Variants in TC2N observed in about 807,000 individuals in gnomAD.
The protein encoded by TC2N is tandem C2 domains nuclear protein.
TC2N carries 51 observed loss-of-function variants against 61.9 expected under a neutral mutation model. The observed-to-expected ratio is 0.82, with a 90% CI of 0.66 to 1.04. The LOEUF (loss-of-function observed/expected upper bound fraction) is 1.04, where lower values mean the gene tolerates loss of function less well. TC2N is among the 50% of genes least tolerant of loss of function. TC2N has a pLI of 0.00. For synonymous variants in TC2N, 204 were observed against 192.6 expected, an observed-to-expected ratio of 1.06 and a Z score of -0.49; for missense variants, 556 against 566.7, an observed-to-expected ratio of 0.98 and a Z score of 0.19.
At chr14:91,842,006 T>A in intron 1 of TC2N, among the ~76,000 whole-genome samples, 1 of 145,796 alleles carries the variant, frequency 6.9e-6, no homozygotes. Context: ...AGACAGGGTC[T>A]GGAGTGCAGT....
chr14:91,813,914 A>G (rs567684882), intron 1 of TC2N, 89 bp from the exon 2 acceptor site: 18 of 483,558 alleles, frequency 3.7e-5, no homozygotes, highest in South Asian at 3.6e-4. Flanking sequence ...CTGTCTTTCT[A>G]AGACATAATG....
Position 91,781,757 on chromosome 14 carries a change from G to A in TC2N, c.*1343C>T, listed in dbSNP as rs543659904. The A allele has an allele frequency of 1.3e-5, 2 of 152,156 alleles. No individual in the cohort carries two copies. Among genetic ancestry groups the A allele is most frequent in the East Asian group, 3.9e-4 (2 of 5,186 alleles). 9.4% of individuals were successfully genotyped at this position (152,156 alleles called of 1,614,324 possible). On this transcript the variant is annotated 3_prime_UTR_variant, in exon 12 of 12. Transcript: ENST00000435962. Reference sequence around the variant, plus strand: ...AAAATCAGAGCAGTAGAAGCAAAGGGGATATAAGATGTGGACATTTTGTAG... The same window carrying A: ...AAAATCAGAGCAGTAGAAGCAAAGGAGATATAAGATGTGGACATTTTGTAG...
At chr14:91,841,409 A>G (rs1235128777) in intron 1 of TC2N, among the ~76,000 whole-genome samples, 1 of 152,206 alleles carries the variant, frequency 6.6e-6, no homozygotes, top group Non-Finnish European at 1.5e-5. Context: ...GTTCCAAGTT[A>G]GGTTGGCCAA....
At chr14:91,827,089 A>T (rs1256643918) in intron 1 of TC2N, among the ~76,000 whole-genome samples, 1 of 152,168 alleles carries the variant, frequency 6.6e-6, no homozygotes, top group Admixed American at 6.5e-5. Flanking sequence ...TATATATATG[A>T]ATTTAAACCT....
chr14:91,807,632 T>G (rs1237696170), intron 3 of TC2N, among the ~76,000 whole-genome samples: 1 of 152,232 alleles, frequency 6.6e-6, no homozygotes, highest in Non-Finnish European at 1.5e-5. Context: ...TCTATACTCC[T>G]ATTGTATCTA....
At chr14:91,792,667 C>T in intron 8 of TC2N, 109 bp from the exon 9 acceptor site, 2 of 507,458 alleles carry the variant, frequency 3.9e-6, no homozygotes, top group Non-Finnish European at 6.5e-6. Context: ...ATTCTTTTTA[C>T]AACAAAACAT....
At chr14:91,792,810 C>T (rs950848797) in intron 8 of TC2N, among the ~76,000 whole-genome samples, 3 of 152,162 alleles carry the variant, frequency 2.0e-5, no homozygotes, top group Admixed American at 6.5e-5. Context: ...ACACCATGCT[C>T]ACCACAATAC....
At chr14:91,793,793 TTAA>T (rs1255024521) in intron 8 of TC2N, among the ~76,000 whole-genome samples, 4 of 152,130 alleles carry the variant, frequency 2.6e-5, no homozygotes, top group African/African-American at 9.7e-5. Flanking sequence ...ATTAGGCCAA[TTAA>T]TAACCCTAAA....
intron 1 of TC2N, among the ~76,000 whole-genome samples, chr14:91,849,781 C>T (rs1350258318): frequency 1.3e-5 from 2 of 152,202 alleles, no homozygotes; most frequent in Non-Finnish European, 2.9e-5. Context: ...GGCACAGTGG[C>T]TTACCCCTGT....
chr14:91,860,287 G>T (rs2498853), intron 1 of TC2N, among the ~76,000 whole-genome samples: 147,779 of 150,702 alleles, frequency 0.98, 72,535 homozygotes, highest in East Asian at 1. Context: ...GAGATGTTAA[G>T]TTTTGTTATG....
At position 91,782,873 on chromosome 14, in the gene TC2N, G is replaced by T. The variant is rs1415326129; in HGVS notation, c.*227C>A. 8 of 439,298 alleles carry T rather than the reference G, an allele frequency of 1.8e-5. No individual in the cohort carries two copies. Among genetic ancestry groups the T allele is most frequent in the Non-Finnish European group, 2.0e-5 (5 of 248,720 alleles). 27.2% of individuals were successfully genotyped at this position (439,298 alleles called of 1,614,324 possible). A position where few individuals can be genotyped will look rare whatever the true frequency, so the allele number is the denominator to read the frequency against. On this transcript the variant is annotated 3_prime_UTR_variant, in exon 12 of 12. Transcript: ENST00000435962. Reference sequence around the variant, plus strand: ...ATCCTAATAATACTTTGATTTTACTGTCTGTGTCTCTTGTTGCAGTTTTAA... The same window carrying T: ...ATCCTAATAATACTTTGATTTTACTTTCTGTGTCTCTTGTTGCAGTTTTAA...
intron 1 of TC2N, among the ~76,000 whole-genome samples, chr14:91,850,804 G>A (rs1245473150): frequency 1.3e-5 from 2 of 152,194 alleles, no homozygotes; most frequent in African/African-American, 4.8e-5. Flanking sequence ...GGTGGCAGGA[G>A]CCTGTAATCC....
At chr14:91,792,715 T>C (rs1885721678) in intron 8 of TC2N, among the ~76,000 whole-genome samples, 157 bp from the exon 9 acceptor site, 1 of 152,204 alleles carries the variant, frequency 6.6e-6, no homozygotes, top group African/African-American at 2.4e-5. Flanking sequence ...GGCAATGACT[T>C]GTTTTTCTAG....
chr14:91,825,958 T>C (rs1308321686), intron 1 of TC2N, among the ~76,000 whole-genome samples: 1 of 152,204 alleles, frequency 6.6e-6, no homozygotes, highest in Non-Finnish European at 1.5e-5. Context: ...CCATGTACAT[T>C]TGCAACTTTG....
chr14:91,846,408 C>A (rs1289333500), intron 1 of TC2N, among the ~76,000 whole-genome samples: 1 of 152,040 alleles, frequency 6.6e-6, no homozygotes. Flanking sequence ...CACCGAAAGA[C>A]CATCAAAACT....
intron 8 of TC2N, among the ~76,000 whole-genome samples, chr14:91,796,311 C>T (rs1033711742): frequency 1.3e-5 from 2 of 152,030 alleles, no homozygotes; most frequent in East Asian, 1.9e-4. Flanking sequence ...CATACACACA[C>T]AACCCAATTT....
chr14:91,787,722 A>G (rs1443112200), intron 9 of TC2N, 95 bp from the exon 10 acceptor site: 2 of 672,276 alleles, frequency 3.0e-6, no homozygotes, highest in African/African-American at 3.7e-5. Context: ...AGAAATTTTG[A>G]AAGTATTCCT....
intron 1 of TC2N, among the ~76,000 whole-genome samples, chr14:91,864,842 T>C (rs544165654): frequency 7.0e-6 from 1 of 142,182 alleles, no homozygotes; most frequent in Non-Finnish European, 1.5e-5. Flanking sequence ...AATGCAATGG[T>C]GCAATCTCAG....
At chr14:91,803,643 G>A (rs1886369871) in intron 3 of TC2N, among the ~76,000 whole-genome samples, 1 of 151,722 alleles carries the variant, frequency 6.6e-6, no homozygotes, top group African/African-American at 2.4e-5. Flanking sequence ...AGTAGAGATG[G>A]GGTTTCACTC....
Sources: allele counts gnomAD v4.1 joint callset (sites outside exome capture counted in the v4.1 genomes callset), GRCh38; gene constraint gnomAD v4.1.1; transcripts MANE v1.5; gene names NCBI Gene and HGNC (gene_info 2026-07-23, HGNC 2026-07-21).